PSME4: variants seen among roughly 807,000 people sequenced by gnomAD.
PSME4 encodes proteasome activator complex subunit 4.
Under a neutral mutation model 253.9 loss-of-function variants are expected in PSME4, and 89 were observed. That is an observed-to-expected ratio of 0.35 (90% confidence interval 0.30 to 0.42). The LOEUF (loss-of-function observed/expected upper bound fraction) is 0.42. Among genes scored for constraint, PSME4 ranks in the 10% least tolerant of loss-of-function variants. The pLI, the probability that PSME4 is intolerant of heterozygous loss-of-function variation, is 1.00. For missense variants in PSME4, 2,014 were observed against 2,195.2 expected, an observed-to-expected ratio of 0.92 and a Z score of 1.65; for synonymous variants, 851 against 759.2, an observed-to-expected ratio of 1.12 and a Z score of -1.99.
intron 36 of PSME4, among the ~76,000 whole-genome samples, chr2:53,892,209 T>C (rs1021927884): frequency 6.6e-6 from 1 of 152,218 alleles, no homozygotes; most frequent in Non-Finnish European, 1.5e-5. Flanking sequence ...ATTTGTGTCA[T>C]CTCTTCGACA....
intron 41 of PSME4, among the ~76,000 whole-genome samples, chr2:53,881,974 T>C (rs1407211390): frequency 6.6e-6 from 1 of 152,054 alleles, no homozygotes; most frequent in Non-Finnish European, 1.5e-5. Flanking sequence ...CCTTTAATCT[T>C]AAGAATATGA....
chr2:53,940,987 AT>A (rs1689246523), intron 3 of PSME4, among the ~76,000 whole-genome samples: 1 of 90,410 alleles, frequency 1.1e-5, no homozygotes, highest in Non-Finnish European at 2.4e-5. Flanking sequence ...ATATATATAT[AT>A]ATATATATAT....
At chr2:53,965,795 G>A (rs1330079175) in intron 1 of PSME4, among the ~76,000 whole-genome samples, 7 of 151,242 alleles carry the variant, frequency 4.6e-5, no homozygotes, top group Admixed American at 1.3e-4. Context: ...TCAGCCCCCC[G>A]AGTAGCTGGG....
At chr2:53,957,415 G>T (rs553503803) in intron 1 of PSME4, among the ~76,000 whole-genome samples, 2 of 152,148 alleles carry the variant, frequency 1.3e-5, no homozygotes, top group Non-Finnish European at 2.9e-5. Flanking sequence ...CCATTGGGGG[G>T]TGATGGGAGA....
At chr2:53,939,785 T>G (rs528355680) in intron 4 of PSME4, among the ~76,000 whole-genome samples, 171 bp downstream of exon 4, 51 of 152,222 alleles carry the variant, frequency 3.4e-4, no homozygotes, top group Non-Finnish European at 5.7e-4. Context: ...AATTTCTAAA[T>G]GAAATCTGAG....
At chr2:53,950,165 A>G (rs916001085) in intron 1 of PSME4, among the ~76,000 whole-genome samples, 1 of 152,012 alleles carries the variant, frequency 6.6e-6, no homozygotes, top group African/African-American at 2.4e-5. Context: ...GGTCCCAGTT[A>G]CTCGGGTCGG....
intron 14 of PSME4, among the ~76,000 whole-genome samples, chr2:53,923,691 G>A (rs1011363446): frequency 6.6e-6 from 1 of 152,074 alleles, no homozygotes; most frequent in Non-Finnish European, 1.5e-5. Context: ...GGGAGGCTGA[G>A]GCAGGAGCAT....
At chr2:53,919,126 G>A (rs1342735832) in intron 20 of PSME4, 25 bp downstream of exon 20, 1 of 1,591,154 alleles carries the variant, frequency 6.3e-7, no homozygotes, top group African/African-American at 1.4e-5. Context: ...TATATGTTAA[G>A]TGGAAAACAG....
intron 1 of PSME4, among the ~76,000 whole-genome samples, chr2:53,966,843 G>A (rs1217880182): frequency 6.6e-6 from 1 of 152,064 alleles, no homozygotes; most frequent in African/African-American, 2.4e-5. Context: ...GGGATTAAAG[G>A]CGTGCACCAC....
At chr2:53,957,700 T>A (rs1368897158) in intron 1 of PSME4, among the ~76,000 whole-genome samples, 1 of 152,052 alleles carries the variant, frequency 6.6e-6, no homozygotes, top group Non-Finnish European at 1.5e-5. Context: ...CAGAGTAAAA[T>A]GTTTAAGTAT....
chr2:53,869,602 G>T (rs539451675), intron 43 of PSME4, 64 bp from the exon 44 acceptor site: 5 of 1,312,100 alleles, frequency 3.8e-6, no homozygotes, highest in South Asian at 2.2e-5. Flanking sequence ...TGGAGGATAG[G>T]GGGTAGTGTG....
Position 53,932,116 on chromosome 2 carries a change from C to A in PSME4, c.1051-16G>T. The A allele has an allele frequency of 6.2e-7, 1 of 1,605,512 alleles. No individual in the cohort carries two copies. Among genetic ancestry groups the A allele is most frequent in the Non-Finnish European group, 8.5e-7 (1 of 1,175,950 alleles). On this transcript the variant is annotated splice_polypyrimidine_tract_variant and intron_variant, in intron 9 of 46. Coordinates refer to ENST00000404125, the MANE Select transcript of PSME4 (RefSeq NM_014614.3). ...TTAACTTGTTCTGGGGACACAGAAG[C>A]AAAAAGTTCTAAGTAGGTTCTACTT...
intron 41 of PSME4, among the ~76,000 whole-genome samples, chr2:53,884,358 G>A (rs1314040834): frequency 1.3e-5 from 2 of 151,996 alleles, no homozygotes; most frequent in African/African-American, 4.8e-5. Flanking sequence ...CTACAGGCGT[G>A]CGCCACCATG....
At chr2:53,873,913 T>C (rs1460055488) in intron 43 of PSME4, among the ~76,000 whole-genome samples, 1 of 152,198 alleles carries the variant, frequency 6.6e-6, no homozygotes, top group Non-Finnish European at 1.5e-5. Context: ...TAAGGAATCA[T>C]GATTAGGGTA....
chr2:53,883,532 G>T (rs1165229412), intron 41 of PSME4, among the ~76,000 whole-genome samples: 4 of 152,166 alleles, frequency 2.6e-5, no homozygotes, highest in Non-Finnish European at 5.9e-5. Context: ...CCATTCGCTG[G>T]TCTCTCCTCT....
chr2:53,876,550 T>C (rs1221571208), intron 41 of PSME4, among the ~76,000 whole-genome samples: 2 of 151,910 alleles, frequency 1.3e-5, no homozygotes, highest in African/African-American at 2.4e-5. Context: ...ATTTGCGAAA[T>C]GGTCATTCCT....
intron 14 of PSME4, among the ~76,000 whole-genome samples, chr2:53,923,634 AG>A (rs2104453519): frequency 6.6e-6 from 1 of 152,296 alleles, no homozygotes; most frequent in South Asian, 2.1e-4. Flanking sequence ...AAAATATTTT[AG>A]GTACTGGCTG....
At chr2:53,901,807 C>T (rs148730697) in intron 27 of PSME4, among the ~76,000 whole-genome samples, 4 of 152,136 alleles carry the variant, frequency 2.6e-5, no homozygotes, top group Non-Finnish European at 4.4e-5. Context: ...AGGTGGCTCA[C>T]GCCTGTAATT....
chr2:53,934,946 G>A (rs752724714), intron 7 of PSME4, among the ~76,000 whole-genome samples: 3 of 152,098 alleles, frequency 2.0e-5, no homozygotes, highest in Non-Finnish European at 4.4e-5. Context: ...AGAGGCACAT[G>A]GACATAAAGC....
Sources: gnomAD v4.1 joint callset for allele counts (sites outside exome capture counted in the v4.1 genomes callset) on GRCh38, gnomAD v4.1.1 for gene constraint, MANE v1.5 for transcripts, NCBI Gene and HGNC (gene_info 2026-07-23, HGNC 2026-07-21) for gene names.